Variants in DLC1 observed in about 807,000 individuals in gnomAD.
DLC1 encodes the protein DLC1 Rho GTPase activating protein.
DLC1 carries 54 observed loss-of-function variants against 140.3 expected under a neutral mutation model. The observed-to-expected ratio is 0.38, with a 90% CI of 0.31 to 0.48. DLC1 has a LOEUF of 0.48. DLC1 is among the 20% of genes least tolerant of loss of function. The pLI, the probability that DLC1 is intolerant of heterozygous loss-of-function variation, is 0.96. For missense variants in DLC1, 2,536 were observed against 1,907.0 expected, an observed-to-expected ratio of 1.33 and a Z score of -6.14; for synonymous variants, 986 against 728.1, an observed-to-expected ratio of 1.35 and a Z score of -5.70.
chr8:13,252,792 C>T (rs1830068685), intron 5 of DLC1, among the ~76,000 whole-genome samples: 1 of 152,104 alleles, frequency 6.6e-6, no homozygotes. Flanking sequence ...TTACACGTGC[C>T]CTCTTAAGGT....
intron 5 of DLC1, among the ~76,000 whole-genome samples, chr8:13,295,450 G>C (rs896617708): frequency 2.0e-5 from 3 of 152,166 alleles, no homozygotes; most frequent in African/African-American, 7.2e-5. Context: ...TCCTGCATTA[G>C]ATTAGATTTC....
chr8:13,106,715 G>T (rs1162690123), intron 7 of DLC1, among the ~76,000 whole-genome samples: 2 of 152,216 alleles, frequency 1.3e-5, no homozygotes, highest in African/African-American at 4.8e-5. Flanking sequence ...GCATGGCTCA[G>T]GCATCTGATG....
chr8:13,327,871 G>A (rs543804698), intron 4 of DLC1, among the ~76,000 whole-genome samples: 1 of 152,210 alleles, frequency 6.6e-6, no homozygotes, highest in African/African-American at 2.4e-5. Flanking sequence ...GTTCAGAGAG[G>A]GTAACTTCAT....
rs530343079 is a variant in DLC1 at position 13,443,678 on chromosome 8, A to G, written c.1024-42059T>C. ...GTCTCAAAAAAAAAAAAAAAAAAGA[A>G]AAAGAAAAAAACAGAAAGAAAAATA... On this transcript the variant is annotated intron_variant, in intron 2 of 17. Transcript: ENST00000276297. 3.8e-4 allele frequency among the ~76,000 whole-genome samples: 57 copies of G among 151,422 alleles called. 3 individuals are homozygous for G. In the South Asian group the frequency reaches 0.012, roughly 32 times the overall value.
chr8:13,194,010 T>C (rs1480138803), intron 5 of DLC1, among the ~76,000 whole-genome samples: 1 of 152,182 alleles, frequency 6.6e-6, no homozygotes, highest in African/African-American at 2.4e-5. Flanking sequence ...CACTAAAAAT[T>C]GTATAGTAAT....
At position 13,461,418 on chromosome 8, in the gene DLC1, A is replaced by G. The variant is rs1799651728; in HGVS notation, c.1023+37631T>C. 2.0e-5 allele frequency among the ~76,000 whole-genome samples: 3 copies of G among 152,102 alleles called. No individual in the cohort carries two copies. In the South Asian group the frequency reaches 6.2e-4, roughly 32 times the overall value. The stretch of plus-strand genomic sequence containing the variant: ...TCCACCCCTTTATAAACATTAATGT[A>G]TTTGCCTCTCCCTGCCTGACCCCTT... On this transcript the variant is annotated intron_variant, in intron 2 of 17. Transcript: ENST00000276297.
At chr8:13,220,622 C>G (rs1396211150) in intron 5 of DLC1, among the ~76,000 whole-genome samples, 2 of 152,164 alleles carry the variant, frequency 1.3e-5, no homozygotes, top group Non-Finnish European at 2.9e-5. Flanking sequence ...TCCTTGGGAT[C>G]ACTCACAGCT....
At chr8:13,470,752 G>A (rs1800168306) in intron 2 of DLC1, among the ~76,000 whole-genome samples, 1 of 152,150 alleles carries the variant, frequency 6.6e-6, no homozygotes, top group East Asian at 1.9e-4. Flanking sequence ...AACTGCATGA[G>A]CCAGCAATCC....
chr8:13,595,893 G>T (rs929997406), intron 1 of DLC1, among the ~76,000 whole-genome samples: 1 of 151,802 alleles, frequency 6.6e-6, no homozygotes, highest in South Asian at 2.1e-4. Context: ...ATAATTGCAC[G>T]TTACCACATC....
chr8:13,111,021 G>A (rs1262837968), intron 6 of DLC1, among the ~76,000 whole-genome samples, 198 bp from the exon 7 acceptor site: 1 of 152,130 alleles, frequency 6.6e-6, no homozygotes, highest in African/African-American at 2.4e-5. Flanking sequence ...AAGGAGCTTC[G>A]GCTTTAATGT....
chr8:13,591,406 A>G (rs369287177), intron 1 of DLC1, among the ~76,000 whole-genome samples: 3 of 152,060 alleles, frequency 2.0e-5, no homozygotes, highest in African/African-American at 7.2e-5. Context: ...TGGTTTTACA[A>G]GCATCTGGCA....
intron 5 of DLC1, among the ~76,000 whole-genome samples, chr8:13,219,333 TATA>T (rs1828422064): frequency 8.2e-6 from 1 of 121,930 alleles, no homozygotes; most frequent in Non-Finnish European, 1.7e-5. Context: ...TTCATATAAT[TATA>T]ATTATATAAA....
At chr8:13,437,052 A>G (rs115520335) in intron 2 of DLC1, among the ~76,000 whole-genome samples, 652 of 152,332 alleles carry the variant, frequency 4.3e-3, no homozygotes, top group African/African-American at 0.015. Flanking sequence ...TCTCTCAAAT[A>G]GTTTCTAAAA....
At chr8:13,534,351 C>A (rs1803197273) in intron 1 of DLC1, among the ~76,000 whole-genome samples, 2 of 151,962 alleles carry the variant, frequency 1.3e-5, no homozygotes, top group African/African-American at 2.4e-5. Context: ...TTGTATTTTT[C>A]TTTTTTCCAC....
chr8:13,268,099 A>G (rs923957952), intron 5 of DLC1, among the ~76,000 whole-genome samples: 1 of 152,126 alleles, frequency 6.6e-6, no homozygotes, highest in Non-Finnish European at 1.5e-5. Context: ...ATAACTTCCA[A>G]TTTTAGTTCA....
chr8:13,272,746 C>T lies in DLC1; in HGVS notation c.1348+32523G>A, dbSNP rs562742368. 7.2e-5 allele frequency among the ~76,000 whole-genome samples: 11 copies of T among 151,990 alleles called. 1 individual carries two copies. Among genetic ancestry groups the T allele is most frequent in the South Asian group, 4.2e-4 (2 of 4,802 alleles). ...AAAATTAGCTGGGCGTGGTGGTGGG[C>T]GCCTGTAGTCCCAGCTGCTCGGGAG... On this transcript the variant is annotated intron_variant, in intron 5 of 17. Transcript: ENST00000276297.
Position 13,100,512 on chromosome 8 carries a change from G to A in DLC1, c.1825C>T (p.Pro609Ser), listed in dbSNP as rs763764390. ...STGSLPSHAP[P>S]SEDAATPRTN... is the part of the protein sequence containing the mutation. ...CGGGGGGTGGCAGCATCCTCGCTGGGGGGCGCGTGGCTGGGGAGGCTGCCA... is the reference window on the plus strand; with the variant it reads ...CGGGGGGTGGCAGCATCCTCGCTGGAGGGCGCGTGGCTGGGGAGGCTGCCA... Residue 609 changes from proline to serine, a missense_variant, in exon 9 of 18, where the codon CCC becomes TCC. Physicochemically the swap from Pro to Ser is moderately conservative, Grantham distance 74 (BLOSUM62 -1). Transcript: ENST00000276297. The A allele has an allele frequency of 3.1e-6, 5 of 1,612,516 alleles. No homozygotes were observed. In the East Asian group the frequency reaches 6.7e-5, roughly 22 times the overall value.
At chr8:13,551,600 C>T (rs920272552) in intron 1 of DLC1, among the ~76,000 whole-genome samples, 1 of 151,796 alleles carries the variant, frequency 6.6e-6, no homozygotes, top group Non-Finnish European at 1.5e-5. Context: ...CTGCATAAGG[C>T]ATGTTAAGGT....
At chr8:13,456,011 C>T (rs1172728897) in intron 2 of DLC1, among the ~76,000 whole-genome samples, 1 of 152,190 alleles carries the variant, frequency 6.6e-6, no homozygotes, top group Non-Finnish European at 1.5e-5. Flanking sequence ...TTTGCTAATT[C>T]AACAAGTGTT....
Sources: allele counts gnomAD v4.1 joint callset (sites outside exome capture counted in the v4.1 genomes callset), GRCh38; gene constraint gnomAD v4.1.1; transcripts MANE v1.5; gene names NCBI Gene and HGNC (gene_info 2026-07-23, HGNC 2026-07-21).